The following GSR variants were observed in gnomAD, a reference collection of about 807,000 sequenced individuals.
The protein encoded by GSR is glutathione reductase, mitochondrial.
GSR carries 48 observed loss-of-function variants against 56.5 expected under a neutral mutation model. That is an observed-to-expected ratio of 0.85 (90% CI 0.67 to 1.08). GSR has a LOEUF of 1.08. Among genes scored for constraint, GSR ranks in the 50% least tolerant of loss-of-function variants. The pLI is 0.00. For missense variants in GSR, 694 were observed against 703.3 expected (o/e 0.99, Z 0.15); for synonymous variants, 264 against 270.8 (o/e 0.97, Z 0.25).
At chr8:30,680,640 C>T (rs1303033308) in intron 12 of GSR, among the ~76,000 whole-genome samples, 1 of 152,064 alleles carries the variant, frequency 6.6e-6, no homozygotes, top group Non-Finnish European at 1.5e-5. Context: ...GGTGATATGC[C>T]TGCCTCGGCC....
rs377143411 is a variant in GSR at position 30,716,538 on chromosome 8, C to T, written c.307-4450G>A. On this transcript the variant is annotated intron_variant, in intron 1 of 12. Transcript: ENST00000221130. ...AAAAGCACATTTAGGCTGGGAGTGG[C>T]GGCTCATGCCTATAATCCCAGCACT... Among the ~76,000 whole-genome samples the T allele has an allele frequency of 1.5e-4, 23 of 152,316 alleles. No homozygotes were observed. In the East Asian group the frequency reaches 2.1e-3, roughly 14 times the overall value.
At chr8:30,717,871 C>T (rs1280254568) in intron 1 of GSR, among the ~76,000 whole-genome samples, 8 of 151,980 alleles carry the variant, frequency 5.3e-5, no homozygotes, top group Middle Eastern at 3.2e-3. Context: ...GAGGCCGAGG[C>T]GGGCAATTAC....
At chr8:30,683,752 TCCAAAAAAAAAAAAAATG>T (rs1803033912) in intron 10 of GSR, among the ~76,000 whole-genome samples, 1 of 48,470 alleles carries the variant, frequency 2.1e-5, no homozygotes, top group African/African-American at 9.6e-5. Flanking sequence ...ACAGAGTGTC[TCCAAAAAAAAAAAAAATG>T]CCAATCTAAA....
chr8:30,680,793 G>T, intron 12 of GSR, 111 bp downstream of exon 12: 2 of 951,396 alleles, frequency 2.1e-6, no homozygotes, highest in Non-Finnish European at 3.4e-6. Flanking sequence ...GGCCTGTCCA[G>T]TTGAATCAGA....
chr8:30,701,635 CA>C (rs35866797), intron 5 of GSR, among the ~76,000 whole-genome samples: 10 of 149,852 alleles, frequency 6.7e-5, no homozygotes, highest in African/African-American at 2.2e-4. Flanking sequence ...ACTAAAAATA[CA>C]AAAAAAATTA....
At chr8:30,684,928 CATTTATTTATTTATTTATTT>C (rs57141426) in intron 9 of GSR, among the ~76,000 whole-genome samples, 4,063 of 133,830 alleles carry the variant, frequency 0.03, 101 homozygotes, top group African/African-American at 0.055. Flanking sequence ...TTTTAACATA[CATTTATTTATTTATTTATTT>C]ATTTATTTAT....
chr8:30,683,148 GACA>G, intron 10 of GSR, among the ~76,000 whole-genome samples: 1 of 152,062 alleles, frequency 6.6e-6, no homozygotes, highest in Admixed American at 6.6e-5. Flanking sequence ...TTTTAATACA[GACA>G]ACATCTCACT....
intron 1 of GSR, among the ~76,000 whole-genome samples, chr8:30,719,547 A>G (rs1316986995): frequency 6.6e-6 from 1 of 152,070 alleles, no homozygotes; most frequent in East Asian, 1.9e-4. Context: ...CACCACACCC[A>G]GCTAAGAAAC....
intron 5 of GSR, among the ~76,000 whole-genome samples, chr8:30,700,722 C>CAAAAAAAAAAAA (rs1563535549): frequency 0.055 from 457 of 8,366 alleles, 31 homozygotes; most frequent in African/African-American, 0.077. Flanking sequence ...GATTTTGTCT[C>CAAAAAAAAAAAA]CAAAAAAAAA....
At chr8:30,695,980 C>CAGTG (rs1159538808) in intron 7 of GSR, among the ~76,000 whole-genome samples, 1 of 152,086 alleles carries the variant, frequency 6.6e-6, no homozygotes, top group African/African-American at 2.4e-5. Context: ...GCAGAGGTTG[C>CAGTG]AGTGAGCCGA....
intron 7 of GSR, among the ~76,000 whole-genome samples, chr8:30,695,213 A>AT (rs376621328): frequency 8.6e-5 from 13 of 151,922 alleles, no homozygotes; most frequent in African/African-American, 2.7e-4. Context: ...ATGCTATGAG[A>AT]TTTTTTTGCA....
At chr8:30,698,706 C>T (rs1477917378) in intron 6 of GSR, among the ~76,000 whole-genome samples, 1 of 152,182 alleles carries the variant, frequency 6.6e-6, no homozygotes, top group Non-Finnish European at 1.5e-5. Context: ...CTATGAGTCA[C>T]TCTCCCTAAA....
At chr8:30,691,945 A>C (rs918250674) in intron 8 of GSR, among the ~76,000 whole-genome samples, 2 of 151,518 alleles carry the variant, frequency 1.3e-5, no homozygotes, top group Non-Finnish European at 2.9e-5. Context: ...CAAAAAATAC[A>C]AAAAAATTAG....
At chr8:30,692,196 C>CTTTTTTTT (rs71206279) in intron 8 of GSR, among the ~76,000 whole-genome samples, 108 of 76,438 alleles carry the variant, frequency 1.4e-3, no homozygotes, top group East Asian at 2.5e-3. Context: ...TAAAATACAG[C>CTTTTTTTT]TTTTTTTTTT....
intron 11 of GSR, 63 bp from the exon 12 acceptor site, chr8:30,681,100 G>C (rs1802940646): frequency 7.4e-7 from 1 of 1,349,562 alleles, no homozygotes; most frequent in African/African-American, 1.4e-5. Flanking sequence ...AACTATCAAA[G>C]AGGGAGATGA....
At chr8:30,727,426 C>G in intron 1 of GSR, 104 bp downstream of exon 1, 1 of 1,147,526 alleles carries the variant, frequency 8.7e-7, no homozygotes, top group South Asian at 1.4e-5. Context: ...AAGAGGAAAG[C>G]CCAGCGCCGG....
chr8:30,722,155 A>T (rs969404235), intron 1 of GSR, among the ~76,000 whole-genome samples: 1 of 152,230 alleles, frequency 6.6e-6, no homozygotes, highest in Admixed American at 6.5e-5. Flanking sequence ...GCAAAGCAAC[A>T]GTATATGAAG....
At chr8:30,704,430 G>A (rs1803857103) in intron 4 of GSR, among the ~76,000 whole-genome samples, 1 of 152,150 alleles carries the variant, frequency 6.6e-6, no homozygotes, top group Non-Finnish European at 1.5e-5. Flanking sequence ...TCTGGCCAAG[G>A]GAGGGAAACG....
Position 30,680,860 on chromosome 8 carries a change from T to C in GSR, c.1419+44A>G, listed in dbSNP as rs370471390. 4 of 1,586,030 alleles carry C rather than the reference T, an allele frequency of 2.5e-6. No homozygotes were observed. The African/African-American group carries it at 5.4e-5, about 21-fold the overall frequency. On this transcript the variant is annotated intron_variant, in intron 12 of 12. Coordinates refer to ENST00000221130, the MANE Select transcript of GSR (RefSeq NM_000637.5). The stretch of plus-strand genomic sequence containing the variant: ...CCCCTGCAAAATACTGCCATCCCTG[T>C]CCATTTTGCAAGGCACTATTTAGTT...
Sources: gnomAD v4.1 joint callset for allele counts (sites outside exome capture counted in the v4.1 genomes callset) on GRCh38, gnomAD v4.1.1 for gene constraint, MANE v1.5 for transcripts, NCBI Gene and HGNC (gene_info 2026-07-23, HGNC 2026-07-21) for gene names.